The following PLEKHA4 variants were observed in gnomAD, a reference collection of about 807,000 sequenced individuals.
PLEKHA4 encodes the protein pleckstrin homology domain-containing family A member 4.
A neutral mutation model predicts 94.7 loss-of-function variants in PLEKHA4; 73 were observed. The observed-to-expected ratio is 0.77, with a 90% CI of 0.64 to 0.94. The LOEUF (loss-of-function observed/expected upper bound fraction) is 0.94, where lower values mean the gene tolerates loss of function less well. Among genes scored for constraint, PLEKHA4 ranks in the 40% least tolerant of loss-of-function variants. The probability of loss-of-function intolerance (pLI) is 0.00; values close to 1 mark genes in which losing one functional copy is unlikely to be tolerated. For missense variants in PLEKHA4, 1,049 were observed against 1,054.1 expected (o/e 1.00, Z 0.07); for synonymous variants, 449 against 437.1 (o/e 1.03, Z -0.34).
At chr19:48,851,678 G>C (rs561934653) in intron 13 of PLEKHA4, among the ~76,000 whole-genome samples, 32 of 151,478 alleles carry the variant, frequency 2.1e-4, no homozygotes, top group Non-Finnish European at 4.3e-4. Context: ...AATTAGGTCT[G>C]GCGCAGTGGC....
At chr19:48,857,389 TC>T in intron 9 of PLEKHA4, 32 bp downstream of exon 9, 1 of 973,348 alleles carries the variant, frequency 1.0e-6, no homozygotes, top group Non-Finnish European at 1.6e-6. Context: ...GGGAGGGGGC[TC>T]CGGTAGATTT....
intron 8 of PLEKHA4, among the ~76,000 whole-genome samples, chr19:48,857,954 T>A (rs1351094315): frequency 2.0e-5 from 3 of 151,548 alleles, no homozygotes; most frequent in Non-Finnish European, 4.4e-5. Flanking sequence ...GAAACTGGCA[T>A]GTCTTAGTGA....
At position 48,867,448 on chromosome 19, in the gene PLEKHA4, G is replaced by T. The variant is rs1014206029; in HGVS notation, c.84+89C>A. The T allele has an allele frequency of 2.1e-6, 3 of 1,421,848 alleles. No individual in the cohort carries two copies. The highest frequency in any genetic ancestry group is 2.9e-6 in the Non-Finnish European group (3 of 1,042,344). 88.1% of individuals were successfully genotyped at this position (1,421,848 alleles called of 1,614,324 possible). A position where few individuals can be genotyped will look rare whatever the true frequency, so the allele number is the denominator to read the frequency against. On this transcript the variant is annotated intron_variant, in intron 2 of 19. Transcript: ENST00000263265. This position sits in a 1 kb window ranked among gnomAD's most constrained non-coding sequence, Gnocchi z 4.7. ...GCAGACCCCGTTGCTAAGGATCTTT[G>T]TCCTTAACAACCAGAGTCCTTGGGG...
intron 14 of PLEKHA4, 98 bp from the exon 15 acceptor site, chr19:48,845,714 G>A: frequency 9.7e-7 from 1 of 1,033,964 alleles, no homozygotes; most frequent in Non-Finnish European, 1.4e-6. Context: ...AGTCTGAATA[G>A]GATTCAGACC....
chr19:48,867,753 G>C lies in PLEKHA4; in HGVS notation c.-6-127C>G. ...CTGTTGTTTCGGGACTTGGGGGGCTGGGGGAGGCCATGGCCCGTGACCACA... is the reference window on the plus strand; with the variant it reads ...CTGTTGTTTCGGGACTTGGGGGGCTCGGGGAGGCCATGGCCCGTGACCACA... On this transcript the variant is annotated intron_variant, in intron 1 of 19. Transcript: ENST00000263265. The surrounding 1 kb of genome is among the most constrained non-coding windows in gnomAD (Gnocchi z 4.7). 1 of 884,008 alleles carries C rather than the reference G, an allele frequency of 1.1e-6. No homozygotes were observed. The highest frequency in any genetic ancestry group is 1.7e-6 in the Non-Finnish European group (1 of 572,546). 54.8% of individuals were successfully genotyped at this position (884,008 alleles called of 1,614,324 possible). A position where few individuals can be genotyped will look rare whatever the true frequency, so the allele number is the denominator to read the frequency against.
chr19:48,859,331 C>T (rs1277116648), intron 7 of PLEKHA4, 138 bp downstream of exon 7: 5 of 998,344 alleles, frequency 5.0e-6, no homozygotes, highest in African/African-American at 3.3e-5. Flanking sequence ...CAGTCTTCTC[C>T]CCGACAGGCT....
rs1194348728 is a variant in PLEKHA4 at position 48,837,568 on chromosome 19, G to C, written c.2078-17C>G. Reference sequence around the variant, plus strand: ...AATTTCCACCTGGAGAGGATGAGTGGGACATGAGAATGGCAAACCTCAGCG... The same window carrying C: ...AATTTCCACCTGGAGAGGATGAGTGCGACATGAGAATGGCAAACCTCAGCG... On this transcript the variant is annotated splice_polypyrimidine_tract_variant and intron_variant, in intron 19 of 19. Transcript: ENST00000263265. The surrounding 1 kb of genome is among the most constrained non-coding windows in gnomAD (Gnocchi z 4.3). 2 of 1,612,718 alleles carry C rather than the reference G, an allele frequency of 1.2e-6. No individual in the cohort carries two copies. The highest frequency in any genetic ancestry group is 1.7e-4 in the Middle Eastern group (1 of 5,978).
At position 48,837,455 on chromosome 19, in the gene PLEKHA4, G is replaced by A; in HGVS notation, c.2174C>T (p.Pro725Leu). ...CCCCGTGGAACCCGAATTAGCCACC[G>A]GGGGAGATCTGGGGGGAGGGGTCTC... ...RQETPPPRSP[P>L]VANSGSTGFS... The change falls in exon 20 of 20, where the codon CCG becomes CTG. Residue 725 changes from proline to leucine, a missense_variant. Pro to Leu is a moderately conservative substitution (Grantham distance 98). Coordinates refer to ENST00000263265, the MANE Select transcript of PLEKHA4 (RefSeq NM_020904.3). The surrounding 1 kb of genome is among the most constrained non-coding windows in gnomAD (Gnocchi z 4.3). The A allele has an allele frequency of 6.2e-7, 1 of 1,613,206 alleles. No homozygotes were observed. Among genetic ancestry groups the A allele is most frequent in the South Asian group, 1.1e-5 (1 of 91,074 alleles).
chr19:48,854,152 A>G (rs1259925796), intron 10 of PLEKHA4, 65 bp from the exon 11 acceptor site: 38 of 1,612,784 alleles, frequency 2.4e-5, no homozygotes, highest in Non-Finnish European at 3.1e-5. Flanking sequence ...CGCTCCTCCC[A>G]TCATCTAGAA....
chr19:48,841,099 A>G (rs912842897), intron 17 of PLEKHA4, 50 bp downstream of exon 17: 16 of 1,539,140 alleles, frequency 1.0e-5, no homozygotes, highest in African/African-American at 1.4e-5. Flanking sequence ...AAGTAGGCGA[A>G]GAGGACCTAC....
chr19:48,852,819 G>A (rs893348758), intron 12 of PLEKHA4, among the ~76,000 whole-genome samples: 6 of 152,040 alleles, frequency 3.9e-5, no homozygotes, highest in Admixed American at 3.9e-4. Context: ...TGTAATCCCA[G>A]GTATTCGGGA....
intron 16 of PLEKHA4, among the ~76,000 whole-genome samples, chr19:48,842,584 G>C (rs1310915378): frequency 1.3e-5 from 2 of 152,212 alleles, no homozygotes; most frequent in African/African-American, 4.8e-5. Flanking sequence ...CAGTCTGCCT[G>C]CTTTGTATAC....
At chr19:48,846,962 A>G (rs1430457921) in intron 14 of PLEKHA4, among the ~76,000 whole-genome samples, 1 of 151,894 alleles carries the variant, frequency 6.6e-6, no homozygotes, top group Non-Finnish European at 1.5e-5. Context: ...GCTTACTGCA[A>G]CCTCTGCCTC....
chr19:48,852,795 T>A (rs1273170679), intron 12 of PLEKHA4, among the ~76,000 whole-genome samples: 1 of 151,916 alleles, frequency 6.6e-6, no homozygotes, highest in African/African-American at 2.4e-5. Flanking sequence ...TAGCCAGGAA[T>A]GGTGGCGAGG....
Position 48,837,921 on chromosome 19 carries a change from C to T in PLEKHA4, c.2077+96G>A. ...TACTCACCAAGATAAAAAATTCTCA[C>T]CGGCCCCCAGACCCCTCCTCTCCAG... On this transcript the variant is annotated intron_variant, in intron 19 of 19. Transcript: ENST00000263265. This position sits in a 1 kb window ranked among gnomAD's most constrained non-coding sequence, Gnocchi z 4.3. 9.7e-7 allele frequency: 1 copy of T among 1,026,792 alleles called. No homozygotes were observed. The highest frequency in any genetic ancestry group is 1.5e-6 in the Non-Finnish European group (1 of 682,454). 63.6% of individuals were successfully genotyped at this position (1,026,792 alleles called of 1,614,324 possible). A position where few individuals can be genotyped will look rare whatever the true frequency, so the allele number is the denominator to read the frequency against.
Position 48,854,007 on chromosome 19 carries a change from C to A in PLEKHA4, c.1176G>T (p.Lys392Asn). 6.2e-7 allele frequency: 1 copy of A among 1,614,112 alleles called. No homozygotes were observed. Among genetic ancestry groups the A allele is most frequent in the Non-Finnish European group, 8.5e-7 (1 of 1,179,982 alleles). ...QEEIDQKQEE[K>N]EQLEAALELT... ...CTGTCCTTGGCCCAGGGCCCCGCACCTTCTCCTCCTGCTTCTGGTCTATCT... is the reference window on the plus strand; with the variant it reads ...CTGTCCTTGGCCCAGGGCCCCGCACATTCTCCTCCTGCTTCTGGTCTATCT... The change falls in exon 11 of 20, where the codon AAG becomes AAT. Residue 392 changes from lysine (K) to asparagine (N), a missense_variant and splice_region_variant. Coordinates refer to ENST00000263265, the MANE Select transcript of PLEKHA4 (RefSeq NM_020904.3).
intron 17 of PLEKHA4, among the ~76,000 whole-genome samples, chr19:48,839,977 A>G (rs879110253): frequency 1.3e-5 from 2 of 151,726 alleles, no homozygotes; most frequent in South Asian, 2.1e-4. Flanking sequence ...GTGTGGTGGC[A>G]TGGGCCTGTA....
chr19:48,837,964 C>A lies in PLEKHA4; in HGVS notation c.2077+53G>T, dbSNP rs1422974792. The A allele has an allele frequency of 1.4e-6, 2 of 1,449,688 alleles. No homozygotes were observed. The highest frequency in any genetic ancestry group is 2.8e-5 in the African/African-American group (2 of 70,994). The allele number at this position is 1,449,688 out of a possible 1,614,324, so 89.8% of individuals were successfully genotyped here. On this transcript the variant is annotated intron_variant, in intron 19 of 19. Coordinates refer to ENST00000263265, the MANE Select transcript of PLEKHA4 (RefSeq NM_020904.3). This position sits in a 1 kb window ranked among gnomAD's most constrained non-coding sequence, Gnocchi z 4.3. ...CTCTCCAGGACCTGGGATTCCAGGT[C>A]TCCAGCTCTCTCCTCCCTAAAACCC...
At chr19:48,856,095 C>T (rs1372688361) in intron 9 of PLEKHA4, among the ~76,000 whole-genome samples, 4 of 150,896 alleles carry the variant, frequency 2.7e-5, no homozygotes, top group African/African-American at 9.7e-5. Context: ...TCGCTTGAAC[C>T]CAGGAGGGGA....
Sources: allele counts gnomAD v4.1 joint callset (sites outside exome capture counted in the v4.1 genomes callset), GRCh38; gene constraint gnomAD v4.1.1; non-coding constraint Gnocchi (gnomAD v3.1); transcripts MANE v1.5; gene names NCBI Gene and HGNC (gene_info 2026-07-23, HGNC 2026-07-21).